The following FAM171A1 variants were observed in gnomAD, a reference collection of about 807,000 sequenced individuals.
FAM171A1 encodes the protein protein FAM171A1.
A neutral mutation model predicts 74.9 loss-of-function variants in FAM171A1; 23 were observed. The observed-to-expected ratio is 0.31, with a 90% CI of 0.22 to 0.44. FAM171A1 has a LOEUF of 0.44. FAM171A1 is among the 20% of genes least tolerant of loss of function. The pLI is 1.00. For synonymous variants in FAM171A1, 527 were observed against 505.7 expected, an observed-to-expected ratio of 1.04 and a Z score of -0.57; for missense variants, 1,162 against 1,159.2, an observed-to-expected ratio of 1.00 and a Z score of -0.03.
At chr10:15,318,907 A>T (rs1256296941) in intron 1 of FAM171A1, among the ~76,000 whole-genome samples, 1 of 152,168 alleles carries the variant, frequency 6.6e-6, no homozygotes, top group Non-Finnish European at 1.5e-5. Context: ...GAGTCACAAG[A>T]GGGAAACTCA....
intron 1 of FAM171A1, among the ~76,000 whole-genome samples, chr10:15,336,910 T>TG (rs1272624614): frequency 6.6e-6 from 1 of 152,036 alleles, no homozygotes; most frequent in Non-Finnish European, 1.5e-5. Context: ...CTTTCTTTTT[T>TG]TTTTGAGACA....
At chr10:15,350,055 G>A (rs191921899) in intron 1 of FAM171A1, among the ~76,000 whole-genome samples, 24 of 152,112 alleles carry the variant, frequency 1.6e-4, no homozygotes, top group African/African-American at 5.8e-4. Context: ...ATCAGACACG[G>A]CACCCGGTTC....
chr10:15,213,965 C>T lies in FAM171A1; in HGVS notation c.1623G>A (p.Met541Ile). 3 of 1,614,164 alleles carry T rather than the reference C, an allele frequency of 1.9e-6. No homozygotes were observed. The highest frequency in any genetic ancestry group is 1.7e-6 in the Non-Finnish European group (2 of 1,180,034). The change falls in exon 8 of 8, where the codon ATG (methionine) becomes ATA (isoleucine). Residue 541 changes from methionine to isoleucine, a missense_variant. Coordinates refer to ENST00000378116, the MANE Select transcript of FAM171A1 (RefSeq NM_001010924.2). This position sits in a 1 kb window ranked among gnomAD's most constrained non-coding sequence, Gnocchi z 6.8. Reference sequence around the variant, plus strand: ...TCTCGAGGTGATCTACTGATCGCGACATCATACATTCAGTGGGTCTGCGGT... The same window carrying T: ...TCTCGAGGTGATCTACTGATCGCGATATCATACATTCAGTGGGTCTGCGGT... Reference protein sequence around the residue: ...LLDRRPTECMMSRSVDHLERP... With the variant: ...LLDRRPTECMISRSVDHLERP...
chr10:15,342,869 A>G (rs897409317), intron 1 of FAM171A1, among the ~76,000 whole-genome samples: 7 of 152,234 alleles, frequency 4.6e-5, no homozygotes, highest in African/African-American at 1.7e-4. Context: ...GATCATTTGG[A>G]ACCCTACTGA....
intron 3 of FAM171A1, among the ~76,000 whole-genome samples, chr10:15,256,948 T>G (rs1834588147): frequency 1.3e-5 from 2 of 152,312 alleles, no homozygotes; most frequent in South Asian, 4.1e-4. Flanking sequence ...TATAACAACA[T>G]TCATTGCTTC....
intron 5 of FAM171A1, among the ~76,000 whole-genome samples, chr10:15,228,817 A>G (rs1834143962): frequency 6.6e-6 from 1 of 152,204 alleles, no homozygotes; most frequent in Non-Finnish European, 1.5e-5. Flanking sequence ...TGCGCTGAGG[A>G]CATGCTGAGG....
At chr10:15,355,001 A>T (rs1490654341) in intron 1 of FAM171A1, among the ~76,000 whole-genome samples, 1 of 152,258 alleles carries the variant, frequency 6.6e-6, no homozygotes, top group Admixed American at 6.5e-5. Context: ...TACTTTGAAG[A>T]AATGAGTCAA....
chr10:15,260,191 C>T (rs555106608), intron 3 of FAM171A1, among the ~76,000 whole-genome samples: 1 of 152,246 alleles, frequency 6.6e-6, no homozygotes, highest in South Asian at 2.1e-4. Context: ...CTACAGCTCA[C>T]CCAAAATGCA....
At chr10:15,229,599 ACCATCACCATCATCACCATTGTCACCC>A (rs1195051981) in intron 5 of FAM171A1, among the ~76,000 whole-genome samples, 26 of 128,482 alleles carry the variant, frequency 2.0e-4, no homozygotes, top group Admixed American at 5.6e-4. Context: ...CACCATCATC[ACCATCACCATCATCACCATTGTCACCC>A]CCATCACCAT....
intron 5 of FAM171A1, among the ~76,000 whole-genome samples, chr10:15,243,997 A>G (rs986522112): frequency 8.5e-5 from 13 of 152,224 alleles, no homozygotes; most frequent in African/African-American, 2.2e-4. Context: ...TGATCTGCCC[A>G]CCTTGGCCTC....
chr10:15,307,317 A>G (rs17156539), intron 1 of FAM171A1, among the ~76,000 whole-genome samples: 47,593 of 151,938 alleles, frequency 0.31, 7,816 homozygotes, highest in African/African-American at 0.4. Context: ...GGCCATACAC[A>G]GGATCAAATA....
intron 1 of FAM171A1, among the ~76,000 whole-genome samples, chr10:15,304,081 G>T (rs1835264952): frequency 6.6e-6 from 1 of 152,204 alleles, no homozygotes; most frequent in Non-Finnish European, 1.5e-5. Context: ...GAAAGTGTCA[G>T]AAGCTTCCTC....
rs1834285067 is a variant in FAM171A1 at position 15,236,102 on chromosome 10, T to C, written c.754+12537A>G. Among the ~76,000 whole-genome samples the C allele has an allele frequency of 1.3e-5, 2 of 152,172 alleles. 1 individual carries two copies. The highest frequency in any genetic ancestry group is 4.1e-4 in the South Asian group (2 of 4,834). On this transcript the variant is annotated intron_variant, in intron 5 of 7. Transcript: ENST00000378116. ...CCACTTATTGTGAACTTTAAAGTTA[T>C]TTGGAAGTTCAATCCCAAACAATGA...
Position 15,371,025 on chromosome 10 carries a change from ACAG to A in FAM171A1, c.25_27del (p.Leu9del). On this transcript the variant is annotated inframe_deletion, in exon 1 of 8. Transcript: ENST00000378116. ...TTCCAGACGTGGCAGCCCAGCAGGC[ACAG>A]CAGCAGCGTCGCGGACCTGCTCATC... The A allele has an allele frequency of 3.4e-6, 4 of 1,177,586 alleles. No individual in the cohort carries two copies. The highest frequency in any genetic ancestry group is 4.3e-6 in the Non-Finnish European group (4 of 930,256). 72.9% of individuals were successfully genotyped at this position (1,177,586 alleles called of 1,614,324 possible).
chr10:15,249,663 A>G (rs1834483785), intron 4 of FAM171A1, among the ~76,000 whole-genome samples: 2 of 152,196 alleles, frequency 1.3e-5, no homozygotes, highest in African/African-American at 4.8e-5. Context: ...AAAGTATGCT[A>G]TTGAGGACTG....
At chr10:15,217,304 A>G (rs1018312954) in intron 6 of FAM171A1, among the ~76,000 whole-genome samples, 1 of 152,210 alleles carries the variant, frequency 6.6e-6, no homozygotes, top group South Asian at 2.1e-4. Context: ...GTATGAATAC[A>G]TGGGTCGAAA....
upstream of FAM171A1, among the ~76,000 whole-genome samples, chr10:15,374,403 C>T (rs555266488): frequency 2.6e-5 from 4 of 152,344 alleles, no homozygotes; most frequent in East Asian, 7.7e-4. Flanking sequence ...AACACAGATT[C>T]TGCTACATCA....
At chr10:15,368,657 C>T (rs938823132) in intron 1 of FAM171A1, among the ~76,000 whole-genome samples, 3 of 152,186 alleles carry the variant, frequency 2.0e-5, no homozygotes, top group Non-Finnish European at 4.4e-5. Flanking sequence ...ACCTACTCAG[C>T]ACCATCTGAG....
At chr10:15,320,322 A>G (rs1282225289) in intron 1 of FAM171A1, among the ~76,000 whole-genome samples, 2 of 152,248 alleles carry the variant, frequency 1.3e-5, no homozygotes, top group Non-Finnish European at 2.9e-5. Context: ...ACGGCTGCAT[A>G]GTATTCCATG....
Sources: allele counts gnomAD v4.1 joint callset (sites outside exome capture counted in the v4.1 genomes callset), GRCh38; gene constraint gnomAD v4.1.1; non-coding constraint Gnocchi (gnomAD v3.1); transcripts MANE v1.5; gene names NCBI Gene and HGNC (gene_info 2026-07-23, HGNC 2026-07-21).